The following PPP3CB variants were observed in gnomAD, a reference collection of about 807,000 sequenced individuals.
PPP3CB encodes the protein protein phosphatase 3 catalytic subunit beta.
PPP3CB carries 8 observed loss-of-function variants against 66.4 expected under a neutral mutation model. The ratio of observed to expected loss-of-function variants is 0.12; its 90% CI spans 0.07 to 0.22. PPP3CB has a LOEUF of 0.22. PPP3CB is among the 10% of genes least tolerant of loss of function. PPP3CB has a pLI of 1.00. For missense variants in PPP3CB, 319 were observed against 642.5 expected, an observed-to-expected ratio of 0.50 and a Z score of 5.44; for synonymous variants, 208 against 221.2, an observed-to-expected ratio of 0.94 and a Z score of 0.53.
In PPP3CB at chr10:73,495,964, G is replaced by C; in HGVS notation, c.-75C>G. The C allele has an allele frequency of 1.0e-6, 1 of 982,404 alleles. No individual in the cohort carries two copies. The highest frequency in any genetic ancestry group is 1.3e-6 in the Non-Finnish European group (1 of 762,214). 60.9% of individuals were successfully genotyped at this position (982,404 alleles called of 1,614,324 possible). A position where few individuals can be genotyped will look rare whatever the true frequency, so the allele number is the denominator to read the frequency against. ...GGGGCGGCGGCTACCAGAGCCAAGC[G>C]GCGGCGCCGCCGGGGAACATGGCGG... On this transcript the variant is annotated 5_prime_UTR_variant, in exon 1 of 14. Transcript: ENST00000360663.
At chr10:73,468,275 G>A (rs917047458) in intron 8 of PPP3CB, among the ~76,000 whole-genome samples, 1 of 152,026 alleles carries the variant, frequency 6.6e-6, no homozygotes. Flanking sequence ...AACACCAAAA[G>A]AGAATATTAT....
At chr10:73,472,815 CAAGA>C (rs1284771877) in intron 4 of PPP3CB, among the ~76,000 whole-genome samples, 1 of 152,094 alleles carries the variant, frequency 6.6e-6, no homozygotes. Context: ...TATAGAAACA[CAAGA>C]AAGACAAAAC....
At chr10:73,494,734 G>A (rs1000366504) in intron 1 of PPP3CB, among the ~76,000 whole-genome samples, 12 of 151,806 alleles carry the variant, frequency 7.9e-5, no homozygotes, top group African/African-American at 2.4e-4. Context: ...GTAGGCTAAC[G>A]GTGTTTAAAT....
intron 1 of PPP3CB, among the ~76,000 whole-genome samples, chr10:73,483,907 G>T (rs2056926296): frequency 6.6e-6 from 1 of 152,010 alleles, no homozygotes; most frequent in Admixed American, 6.6e-5. Flanking sequence ...ACTTTGGGAG[G>T]CCAAGGCAGG....
chr10:73,440,934 T>G (rs552924160), intron 12 of PPP3CB, among the ~76,000 whole-genome samples: 1 of 152,320 alleles, frequency 6.6e-6, no homozygotes, highest in East Asian at 1.9e-4. Context: ...GTTTGAACTG[T>G]ATAAAGAGCT....
intron 1 of PPP3CB, 184 bp downstream of exon 1, chr10:73,495,621 G>A (rs2057187985): frequency 2.3e-6 from 2 of 866,840 alleles, no homozygotes; most frequent in South Asian, 2.5e-5. Flanking sequence ...CCGGGAGACC[G>A]CGGAACCACT....
chr10:73,439,653 C>T (rs1384951489), intron 13 of PPP3CB, among the ~76,000 whole-genome samples: 3 of 151,816 alleles, frequency 2.0e-5, no homozygotes, highest in Middle Eastern at 3.2e-3. Context: ...CATATTACAC[C>T]GGAAAGAAGA....
Position 73,438,324 on chromosome 10 carries a change from G to A in PPP3CB, c.1493C>T (p.Ala498Val). The A allele has an allele frequency of 6.2e-7, 1 of 1,614,098 alleles. No individual in the cohort carries two copies. Among genetic ancestry groups the A allele is most frequent in the Non-Finnish European group, 8.5e-7 (1 of 1,179,964 alleles). The change falls in exon 14 of 14, where the codon GCT becomes GTT. Residue 498 changes from alanine to valine, a missense_variant. Transcript: ENST00000360663. ...INERMPPRKDAVQQDGFNSLN... is the reference protein window; with the variant it reads ...INERMPPRKDVVQQDGFNSLN... ...AGAATTGAAACCATCTTGCTGTACA[G>A]CATCTTTCCGAGGTGGCATTCTCTC...
intron 10 of PPP3CB, among the ~76,000 whole-genome samples, chr10:73,452,689 C>T (rs1478734315): frequency 1.4e-5 from 2 of 147,206 alleles, no homozygotes; most frequent in African/African-American, 2.5e-5. Flanking sequence ...GAGCAAGACT[C>T]TGTCTCAAAA....
intron 4 of PPP3CB, among the ~76,000 whole-genome samples, chr10:73,472,154 G>A (rs1019617249): frequency 6.6e-6 from 1 of 151,940 alleles, no homozygotes; most frequent in Non-Finnish European, 1.5e-5. Context: ...AAATTATTTT[G>A]GATGACAGAA....
intron 1 of PPP3CB, among the ~76,000 whole-genome samples, chr10:73,482,922 T>A (rs2056906130): frequency 6.6e-6 from 1 of 152,076 alleles, no homozygotes; most frequent in Admixed American, 6.6e-5. Context: ...CTGGCCTAGA[T>A]GATATATACT....
chr10:73,479,649 A>G (rs764350943), intron 1 of PPP3CB, 132 bp from the exon 2 acceptor site: 217 of 834,064 alleles, frequency 2.6e-4, no homozygotes, highest in Admixed American at 8.2e-4. Context: ...ATTGGGTAGA[A>G]GTGTTTTTCT....
At chr10:73,481,803 CTT>C (rs144330340) in intron 1 of PPP3CB, among the ~76,000 whole-genome samples, 2 of 144,996 alleles carry the variant, frequency 1.4e-5, no homozygotes, top group Admixed American at 7.0e-5. Context: ...ACTAATCCCT[CTT>C]TTTTTTTTTA....
chr10:73,472,332 TA>T (rs1366462890), intron 4 of PPP3CB, among the ~76,000 whole-genome samples: 1 of 151,980 alleles, frequency 6.6e-6, no homozygotes. Flanking sequence ...CTGTCTCTAC[TA>T]AAAATACAAA....
chr10:73,486,887 T>C (rs960327991), intron 1 of PPP3CB, among the ~76,000 whole-genome samples: 4 of 152,146 alleles, frequency 2.6e-5, no homozygotes, highest in African/African-American at 4.8e-5. Flanking sequence ...AAACTAATCA[T>C]AGGCTGGGTG....
intron 9 of PPP3CB, among the ~76,000 whole-genome samples, chr10:73,459,860 G>A (rs1202081876): frequency 6.6e-6 from 1 of 152,180 alleles, no homozygotes; most frequent in African/African-American, 2.4e-5. Context: ...TGGAGGGGAT[G>A]ATGAAAATGT....
chr10:73,442,424 A>G (rs2056163959), intron 12 of PPP3CB, among the ~76,000 whole-genome samples: 1 of 152,226 alleles, frequency 6.6e-6, no homozygotes, highest in Non-Finnish European at 1.5e-5. Flanking sequence ...CGGATACAAT[A>G]TAAAAGTAAT....
At chr10:73,490,267 A>G (rs1347287998) in intron 1 of PPP3CB, among the ~76,000 whole-genome samples, 2 of 152,292 alleles carry the variant, frequency 1.3e-5, no homozygotes, top group East Asian at 3.9e-4. Flanking sequence ...TGAACTGACA[A>G]CTTGCGGGCT....
chr10:73,477,077 A>G (rs2056801959), intron 3 of PPP3CB: 3 of 496,550 alleles, frequency 6.0e-6, no homozygotes, highest in South Asian at 4.4e-5. Flanking sequence ...GCTGTTTACT[A>G]ATAATACCTT....
Sources: allele counts gnomAD v4.1 joint callset (sites outside exome capture counted in the v4.1 genomes callset), GRCh38; gene constraint gnomAD v4.1.1; transcripts MANE v1.5; gene names NCBI Gene and HGNC (gene_info 2026-07-23, HGNC 2026-07-21).